DCHS2: variants seen among roughly 807,000 people sequenced by gnomAD.
DCHS2 encodes the protein protocadherin-23.
In DCHS2, 142 loss-of-function variants were observed where a neutral mutation model predicts 182.4. That is an observed-to-expected ratio of 0.78 (90% CI 0.68 to 0.89). The LOEUF is 0.89. Among genes scored for constraint, DCHS2 ranks in the 40% least tolerant of loss-of-function variants. The pLI, the probability that DCHS2 is intolerant of heterozygous loss-of-function variation, is 0.00. For missense variants in DCHS2, 4,319 were observed against 4,198.6 expected, an observed-to-expected ratio of 1.03 and a Z score of -0.79; for synonymous variants, 1,740 against 1,663.3, an observed-to-expected ratio of 1.05 and a Z score of -1.12.
chr4:154,443,613 A>C (rs528725597), intron 1 of DCHS2, among the ~76,000 whole-genome samples: 2 of 152,212 alleles, frequency 1.3e-5, no homozygotes, highest in Admixed American at 1.3e-4. Flanking sequence ...TACCCTCTCC[A>C]CTAGGGCTCT....
In DCHS2 at chr4:154,320,424, G is replaced by A. The variant is rs1227325751; in HGVS notation, c.4975C>T (p.Leu1659Phe). ...AACGTCATGTTTTCATTTCCTGAGA[G>A]GATGCTGTATGTTACTTTTCCATTC... ...GRNGKVTYSILSGNENMTFML... is the reference protein window; with the variant it reads ...GRNGKVTYSIFSGNENMTFML... Residue 1659 changes from leucine (L) to phenylalanine (F), a missense_variant, in exon 9 of 20, where the codon CTC (leucine) becomes TTC (phenylalanine). Transcript: ENST00000357232. 2 of 1,613,968 alleles carry A rather than the reference G, an allele frequency of 1.2e-6. No individual in the cohort carries two copies. The highest frequency in any genetic ancestry group is 1.7e-6 in the Non-Finnish European group (2 of 1,179,982).
At chr4:154,453,949 T>G (rs1321540981) in intron 1 of DCHS2, among the ~76,000 whole-genome samples, 1 of 152,220 alleles carries the variant, frequency 6.6e-6, no homozygotes, top group Non-Finnish European at 1.5e-5. Context: ...ACTTATTTTT[T>G]AAAGCATTAA....
intron 1 of DCHS2, among the ~76,000 whole-genome samples, chr4:154,447,926 T>G (rs1292130958): frequency 6.6e-6 from 1 of 152,218 alleles, no homozygotes; most frequent in East Asian, 1.9e-4. Context: ...TTTCTCTCCA[T>G]GCAGAAGACA....
chr4:154,368,494 C>T (rs976257450), intron 2 of DCHS2, among the ~76,000 whole-genome samples: 1 of 150,648 alleles, frequency 6.6e-6, no homozygotes, highest in Non-Finnish European at 1.5e-5. Flanking sequence ...ATGTTAGATG[C>T]ACAAAGTGGA....
At chr4:154,285,288 A>G (rs948426592) in intron 13 of DCHS2, among the ~76,000 whole-genome samples, 1 of 152,036 alleles carries the variant, frequency 6.6e-6, no homozygotes, top group Non-Finnish European at 1.5e-5. Flanking sequence ...TTCATGTGTG[A>G]CCCAGCATAT....
intron 1 of DCHS2, among the ~76,000 whole-genome samples, chr4:154,466,671 A>AGCTC (rs560346262): frequency 2.0e-4 from 31 of 152,336 alleles, no homozygotes; most frequent in African/African-American, 7.0e-4. Context: ...TTAGAATGAT[A>AGCTC]GCTCTAAAAG....
chr4:154,316,851 CT>C (rs1197172171), intron 9 of DCHS2, among the ~76,000 whole-genome samples: 6 of 152,140 alleles, frequency 3.9e-5, no homozygotes, highest in African/African-American at 1.4e-4. Context: ...AAATGTGTCT[CT>C]ATCCCACTGC....
chr4:154,456,438 G>C (rs1734770865), intron 1 of DCHS2, among the ~76,000 whole-genome samples: 1 of 152,204 alleles, frequency 6.6e-6, no homozygotes, highest in Non-Finnish European at 1.5e-5. Context: ...AGCACACAGA[G>C]AGAGGAACCC....
At chr4:154,370,723 G>C (rs1031340409) in intron 2 of DCHS2, among the ~76,000 whole-genome samples, 1 of 152,130 alleles carries the variant, frequency 6.6e-6, no homozygotes, top group African/African-American at 2.4e-5. Context: ...TGGTAGGAAG[G>C]TAAGACCTTT....
chr4:154,307,461 AC>A (rs1735490756), intron 10 of DCHS2, among the ~76,000 whole-genome samples: 2 of 152,084 alleles, frequency 1.3e-5, no homozygotes. Context: ...ACACACACAC[AC>A]ACATATCTAC....
intron 1 of DCHS2, among the ~76,000 whole-genome samples, chr4:154,459,820 C>T (rs991589082): frequency 5.3e-5 from 8 of 150,902 alleles, no homozygotes; most frequent in Non-Finnish European, 7.4e-5. Flanking sequence ...CTCATGGTTT[C>T]CAACTTACAA....
chr4:154,320,714 A>T lies in DCHS2; in HGVS notation c.4685T>A (p.Ile1562Asn). 6.2e-7 allele frequency: 1 copy of T among 1,614,094 alleles called. No homozygotes were observed. Among genetic ancestry groups the T allele is most frequent in the Non-Finnish European group, 8.5e-7 (1 of 1,180,016 alleles). Reference protein sequence around the residue: ...SHNPGTNPFLIHPSFGTLVTV... With the variant: ...SHNPGTNPFLNHPSFGTLVTV... ...GACTAGTGTGCCAAATGAGGGGTGGATGAGAAATGGATTCGTGCCAGGGTT... is the reference window on the plus strand; with the variant it reads ...GACTAGTGTGCCAAATGAGGGGTGGTTGAGAAATGGATTCGTGCCAGGGTT... Residue 1562 changes from isoleucine to asparagine, a missense_variant, in exon 9 of 20, where the codon ATC becomes AAC. Coordinates refer to ENST00000357232, the MANE Select transcript of DCHS2 (RefSeq NM_001358235.2).
intron 4 of DCHS2, 69 bp downstream of exon 4, chr4:154,334,799 A>T: frequency 8.0e-7 from 1 of 1,244,318 alleles, no homozygotes. Context: ...TCAAGATTGT[A>T]CCGCCTACAA....
At chr4:154,455,955 T>G (rs1734746970) in intron 1 of DCHS2, among the ~76,000 whole-genome samples, 1 of 152,058 alleles carries the variant, frequency 6.6e-6, no homozygotes, top group African/African-American at 2.4e-5. Flanking sequence ...CTGAGCATGG[T>G]GGCACATGCC....
intron 2 of DCHS2, among the ~76,000 whole-genome samples, chr4:154,375,944 C>G (rs890273006): frequency 6.6e-6 from 1 of 152,018 alleles, no homozygotes; most frequent in Non-Finnish European, 1.5e-5. Flanking sequence ...ATGATTCCGG[C>G]AAATAATTTT....
chr4:154,276,257 C>A (rs892143331), intron 13 of DCHS2, among the ~76,000 whole-genome samples: 3 of 152,144 alleles, frequency 2.0e-5, no homozygotes, highest in African/African-American at 7.2e-5. Flanking sequence ...TTACCTTTTA[C>A]ATTTTCAAGC....
At position 154,242,632 on chromosome 4, in the gene DCHS2, TCA is replaced by T. The variant is rs138768083; in HGVS notation, c.7072+8_7072+9del. The T allele has an allele frequency of 0.024, 38,955 of 1,604,156 alleles. 580 individuals carry two copies. Among genetic ancestry groups the T allele is most frequent in the Non-Finnish European group, 0.029 (34,046 of 1,176,866 alleles). ...TAATCAAAACCACTATGCCAAATTGTCACACTTACCTTCTGTAATTTCCACTG... is the reference window on the plus strand; with the variant it reads ...TAATCAAAACCACTATGCCAAATTGTCACTTACCTTCTGTAATTTCCACTG... On this transcript the variant is annotated splice_region_variant and intron_variant, in intron 17 of 19. Transcript: ENST00000357232.
rs1201621030 is a variant in DCHS2, at chr4:154,234,823, G to A, written c.9829C>T (p.Pro3277Ser). Reference protein sequence around the residue: ...IPKEKKSFVFPPPLITAVAQP... With the variant: ...IPKEKKSFVFSPPLITAVAQP... The stretch of plus-strand genomic sequence containing the variant: ...GCTACTGCTGTTATCAAAGGGGGTG[G>A]AAAAACAAAAGATTTCTTCTCTTTT... The change falls in exon 20 of 20, where the codon CCA becomes TCA. Residue 3277 changes from proline to serine, a missense_variant. Transcript: ENST00000357232. 2 of 1,613,920 alleles carry A rather than the reference G, an allele frequency of 1.2e-6. No homozygotes were observed. The highest frequency in any genetic ancestry group is 1.7e-6 in the Non-Finnish European group (2 of 1,179,960).
intron 2 of DCHS2, among the ~76,000 whole-genome samples, chr4:154,375,659 T>TA (rs1730855746): frequency 6.6e-6 from 1 of 152,168 alleles, no homozygotes; most frequent in Middle Eastern, 3.4e-3. Context: ...ATTTCTATAA[T>TA]AAAAAAGGCA....
Sources: allele counts gnomAD v4.1 joint callset (sites outside exome capture counted in the v4.1 genomes callset), GRCh38; gene constraint gnomAD v4.1.1; transcripts MANE v1.5; gene names NCBI Gene and HGNC (gene_info 2026-07-23, HGNC 2026-07-21).